The following EP400 variants were observed in gnomAD, a reference collection of about 807,000 sequenced individuals.
EP400 encodes E1A binding protein p400.
A neutral mutation model predicts 354.1 loss-of-function variants in EP400; 105 were observed. The ratio of observed to expected loss-of-function variants is 0.30; its 90% confidence interval spans 0.25 to 0.35. The LOEUF (loss-of-function observed/expected upper bound fraction) is 0.35, where lower values mean the gene tolerates loss of function less well. Among genes scored for constraint, EP400 ranks in the 10% least tolerant of loss-of-function variants. The probability of loss-of-function intolerance (pLI) is 1.00; values close to 1 mark genes in which losing one functional copy is unlikely to be tolerated. For synonymous variants in EP400, 1,646 were observed against 1,716.9 expected (o/e 0.96, Z 1.02); for missense variants, 3,280 against 4,121.0 (o/e 0.80, Z 5.59).
In EP400 at chr12:131,963,893, C is replaced by G. The variant is rs145987616; in HGVS notation, c.1335+1939C>G. ...GCGGTAGTAGCTTTAGCATGCATGT[C>G]ATCTAATAGTCCTGTTGAATGTATG... On this transcript the variant is annotated intron_variant, in intron 2 of 52. Coordinates refer to ENST00000389561, the MANE Select transcript of EP400 (RefSeq NM_015409.5). Among the ~76,000 whole-genome samples, 68 of 152,258 alleles carry G rather than the reference C, an allele frequency of 4.5e-4. 1 individual carries two copies. The East Asian group carries it at 0.013, about 28-fold the overall frequency.
At chr12:132,006,048 A>G in intron 13 of EP400, 64 bp from the exon 14 acceptor site, 1 of 1,491,736 alleles carries the variant, frequency 6.7e-7, no homozygotes, top group Non-Finnish European at 9.0e-7. Context: ...CTGTTTTAAA[A>G]AAAGGTTTAG....
chr12:132,043,711 A>G lies in EP400; in HGVS notation c.6433A>G (p.Lys2145Glu), dbSNP rs748638128. The G allele has an allele frequency of 5.7e-5, 91 of 1,607,952 alleles. No individual in the cohort carries two copies. The Middle Eastern group carries it at 9.9e-4, about 18-fold the overall frequency. Residue 2145 changes from lysine (K) to glutamate (E), a missense_variant, in exon 34 of 53, where the codon AAG becomes GAG. Coordinates refer to ENST00000389561, the MANE Select transcript of EP400 (RefSeq NM_015409.5). ...ATTCCATACTTCTATTGAGCAAGAA[A>G]AGGAGAGAAACAGTGAGGTAAGAGA... is the stretch of plus-strand genomic sequence containing the variant. ...ELFHTSIEQE[K>E]ERNSEDAVMT...
chr12:131,976,662 A>T lies in EP400; in HGVS notation c.1336-3032A>T, dbSNP rs190890568. 2.7e-4 allele frequency among the ~76,000 whole-genome samples: 41 copies of T among 152,270 alleles called. 1 individual carries two copies. The East Asian group carries it at 7.5e-3, about 28-fold the overall frequency. ...GAGGTGGAGGTTGCAGTGAGGCGAG[A>T]TCGTACCATTGCACTCCAGCCTGGG... On this transcript the variant is annotated intron_variant, in intron 2 of 52. Coordinates refer to ENST00000389561, the MANE Select transcript of EP400 (RefSeq NM_015409.5).
At chr12:131,991,576 CTTTTTTT>C (rs878864752) in intron 10 of EP400, 120 bp downstream of exon 10, 10 of 592,712 alleles carry the variant, frequency 1.7e-5, no homozygotes, top group Non-Finnish European at 2.5e-5. Context: ...CCTTTCTTTT[CTTTTTTT>C]TTTTTTTTTG....
At position 132,017,179 on chromosome 12, in the gene EP400, G is replaced by A. The variant is rs977563742; in HGVS notation, c.3924-356G>A. On this transcript the variant is annotated intron_variant, in intron 19 of 52. Transcript: ENST00000389561. The surrounding 1 kb of genome is among the most constrained non-coding windows in gnomAD (Gnocchi z 5.0). ...GGACCAGGCGTCAGAGCTGCCGAGC[G>A]GGTGTGTGAGGGGCTTTACTCTGCT... is the stretch of plus-strand genomic sequence containing the variant. Among the ~76,000 whole-genome samples, 2 of 119,382 alleles carry A rather than the reference G, an allele frequency of 1.7e-5. No individual in the cohort carries two copies. The highest frequency in any genetic ancestry group is 2.2e-4 in the East Asian group (1 of 4,588). The allele number at this position is 119,382 out of a possible 152,430, so 78.3% of individuals were successfully genotyped here.
rs1270123597 is a variant in EP400, at chr12:132,013,923, G to T, written c.3923+10G>T. On this transcript the variant is annotated intron_variant, in intron 19 of 52. Transcript: ENST00000389561. This position sits in a 1 kb window ranked among gnomAD's most constrained non-coding sequence, Gnocchi z 4.5. ...TTATCCTGCAACCTGGGTGAGTGTG[G>T]GCTCTGGGCATGTGCCCCCTTTGCT... 1 of 1,613,730 alleles carries T rather than the reference G, an allele frequency of 6.2e-7. No individual in the cohort carries two copies. Among genetic ancestry groups the T allele is most frequent in the African/African-American group, 1.3e-5 (1 of 75,046 alleles).
At chr12:132,042,297 C>T (rs1175478577) in intron 32 of EP400, among the ~76,000 whole-genome samples, 2 of 152,038 alleles carry the variant, frequency 1.3e-5, no homozygotes. Context: ...TTATGTATCC[C>T]GATAAAAGGC....
intron 30 of EP400, among the ~76,000 whole-genome samples, chr12:132,034,129 T>G (rs1031459196): frequency 6.6e-6 from 1 of 152,216 alleles, no homozygotes; most frequent in Non-Finnish European, 1.5e-5. Flanking sequence ...TGAATATAAG[T>G]TTGGTGCATG....
Position 132,018,530 on chromosome 12 carries a change from G to T in EP400, c.4277+154G>T, listed in dbSNP as rs1468802843. ...GGTGTCCTTGGCTGTGGTATGCCTG[G>T]CTCTGCAGATGCCTTTTAGGCTGTG... On this transcript the variant is annotated intron_variant, in intron 21 of 52. Coordinates refer to ENST00000389561, the MANE Select transcript of EP400 (RefSeq NM_015409.5). This position sits in a 1 kb window ranked among gnomAD's most constrained non-coding sequence, Gnocchi z 4.0. Among the ~76,000 whole-genome samples, 1 of 152,256 alleles carries T rather than the reference G, an allele frequency of 6.6e-6. No homozygotes were observed. Among genetic ancestry groups the T allele is most frequent in the Non-Finnish European group, 1.5e-5 (1 of 68,046 alleles).
intron 1 of EP400, among the ~76,000 whole-genome samples, chr12:131,955,586 T>C (rs1227453492): frequency 6.6e-6 from 1 of 151,588 alleles, no homozygotes. Flanking sequence ...TCATCCAAGT[T>C]TATGCTTTTT....
chr12:132,020,027 G>T (rs764423467), intron 21 of EP400, 22 bp from the exon 22 acceptor site: 2 of 1,510,330 alleles, frequency 1.3e-6, no homozygotes, highest in East Asian at 2.5e-5. Flanking sequence ...GTATCTTCTT[G>T]CCTGGACCAA....
rs570680404 is a variant in EP400 at position 132,052,247 on chromosome 12, G to A, written c.7395-899G>A. ...TGCCTCGGCACCTGAGTGGCTTGCC[G>A]CCCACAGTTGTCACACAGTGGCGGA... is the stretch of plus-strand genomic sequence containing the variant. On this transcript the variant is annotated intron_variant, in intron 41 of 52. Transcript: ENST00000389561. This position sits in a 1 kb window ranked among gnomAD's most constrained non-coding sequence, Gnocchi z 4.4. Among the ~76,000 whole-genome samples the A allele has an allele frequency of 6.6e-6, 1 of 152,114 alleles. No homozygotes were observed. Among genetic ancestry groups the A allele is most frequent in the East Asian group, 1.9e-4 (1 of 5,176 alleles).
At chr12:131,954,586 G>A (rs766749059) in intron 1 of EP400, among the ~76,000 whole-genome samples, 1 of 152,062 alleles carries the variant, frequency 6.6e-6, no homozygotes, top group African/African-American at 2.4e-5. Context: ...TTGGCCGGGC[G>A]TGGTGGTGTA....
intron 1 of EP400, among the ~76,000 whole-genome samples, chr12:131,960,354 C>T (rs1891837747): frequency 6.6e-6 from 1 of 152,198 alleles, no homozygotes; most frequent in Admixed American, 6.5e-5. Flanking sequence ...GTATGTTCCT[C>T]CCTCAGTAGG....
chr12:132,045,699 C>T (rs377465671), intron 38 of EP400, 28 bp from the exon 39 acceptor site: 282 of 1,612,962 alleles, frequency 1.7e-4, no homozygotes, highest in Non-Finnish European at 2.1e-4. Flanking sequence ...GTGTATTCAC[C>T]TGTTTTACCT....
Position 132,038,246 on chromosome 12 carries a change from C to A in EP400, c.6207+150C>A. 1 of 991,406 alleles carries A rather than the reference C, an allele frequency of 1.0e-6. No homozygotes were observed. The highest frequency in any genetic ancestry group is 1.5e-6 in the Non-Finnish European group (1 of 686,434). 61.4% of individuals were successfully genotyped at this position (991,406 alleles called of 1,614,324 possible). On this transcript the variant is annotated intron_variant, in intron 32 of 52. Coordinates refer to ENST00000389561, the MANE Select transcript of EP400 (RefSeq NM_015409.5). The surrounding 1 kb of genome is among the most constrained non-coding windows in gnomAD (Gnocchi z 4.2). ...CCTGCTTTTGGAACCTCCCCACTCC[C>A]TTCTTTCTGTCATGGGGATTTTGAA...
intron 32 of EP400, among the ~76,000 whole-genome samples, chr12:132,039,435 C>T (rs1593366255): frequency 6.6e-6 from 1 of 152,092 alleles, no homozygotes; most frequent in South Asian, 2.1e-4. Flanking sequence ...AGCAGGCTCC[C>T]TTTAATAGAC....
At chr12:132,020,449 T>C (rs1008474866) in intron 22 of EP400, among the ~76,000 whole-genome samples, 4 of 152,220 alleles carry the variant, frequency 2.6e-5, no homozygotes, top group Non-Finnish European at 5.9e-5. Flanking sequence ...AGGTGATAAG[T>C]GTTGATCTGA....
chr12:132,024,817 A>G (rs1593355137), intron 24 of EP400, among the ~76,000 whole-genome samples: 1 of 86,402 alleles, frequency 1.2e-5, no homozygotes, highest in Non-Finnish European at 2.4e-5. Context: ...ACCCCCCCAC[A>G]GCAGCCCCGG....
Sources: gnomAD v4.1 joint callset for allele counts (sites outside exome capture counted in the v4.1 genomes callset) on GRCh38, gnomAD v4.1.1 for gene constraint, Gnocchi (gnomAD v3.1) non-coding constraint, MANE v1.5 for transcripts, NCBI Gene and HGNC (gene_info 2026-07-23, HGNC 2026-07-21) for gene names.